Variants in CHD5 observed in about 807,000 individuals in gnomAD.
CHD5 encodes the protein chromodomain helicase DNA binding protein 5.
CHD5 carries 69 observed loss-of-function variants against 230.3 expected under a neutral mutation model. The ratio of observed to expected loss-of-function variants is 0.30; its 90% CI spans 0.25 to 0.37. CHD5 has a LOEUF of 0.37. CHD5 is among the 10% of genes least tolerant of loss of function. The probability of loss-of-function intolerance (pLI) is 1.00; values close to 1 mark genes in which losing one functional copy is unlikely to be tolerated. For synonymous variants in CHD5, 1,064 were observed against 1,065.9 expected, an observed-to-expected ratio of 1.00 and a Z score of 0.03; for missense variants, 1,827 against 2,622.8, an observed-to-expected ratio of 0.70 and a Z score of 6.63.
chr1:6,111,757 C>T lies in CHD5; in HGVS notation c.5249+18G>A, dbSNP rs375657455. 3.5e-4 allele frequency: 557 copies of T among 1,607,210 alleles called. 1 individual carries two copies. The African/African-American group carries it at 5.3e-3, about 15-fold the overall frequency. On this transcript the variant is annotated intron_variant, in intron 36 of 41. Transcript: ENST00000262450. ...GGAACGGGCAAGTCCCTGCCCAGCC[C>T]GGCCTGGCCAAGGATACGTCACGAT...
chr1:6,102,863 T>C lies in CHD5; in HGVS notation c.*2611A>G, dbSNP rs983986914. The C allele has an allele frequency of 6.6e-6, 1 of 152,352 alleles. No individual in the cohort carries two copies. The highest frequency in any genetic ancestry group is 2.4e-5 in the African/African-American group (1 of 41,428). 9.4% of individuals were successfully genotyped at this position (152,352 alleles called of 1,614,324 possible). On this transcript the variant is annotated 3_prime_UTR_variant, in exon 42 of 42. Coordinates refer to ENST00000262450, the MANE Select transcript of CHD5 (RefSeq NM_015557.3). ...CGTGTATGAGAGGGCCCTGCAGACGTGCTCACTCCACCCCGAGTCACCTGA... is the reference window on the plus strand; with the variant it reads ...CGTGTATGAGAGGGCCCTGCAGACGCGCTCACTCCACCCCGAGTCACCTGA...
At chr1:6,132,828 T>G (rs1413802167) in intron 20 of CHD5, among the ~76,000 whole-genome samples, 1 of 152,174 alleles carries the variant, frequency 6.6e-6, no homozygotes, top group African/African-American at 2.4e-5. Flanking sequence ...TCCATCATTT[T>G]TGAGGATCCT....
chr1:6,113,958 C>T (rs569861663), intron 33 of CHD5, among the ~76,000 whole-genome samples: 4 of 152,318 alleles, frequency 2.6e-5, no homozygotes, highest in East Asian at 1.9e-4. Context: ...CAGATAAAAA[C>T]CACAATCCAG....
At chr1:6,136,664 C>G (rs1666750902) in intron 16 of CHD5, 26 bp from the exon 17 acceptor site, 2 of 1,613,100 alleles carry the variant, frequency 1.2e-6, no homozygotes, top group African/African-American at 2.7e-5. Context: ...TGGGGCCTGT[C>G]AGGGGGCTCT....
chr1:6,135,508 G>A, intron 17 of CHD5, 105 bp from the exon 18 acceptor site: 1 of 1,012,400 alleles, frequency 9.9e-7, no homozygotes, highest in Non-Finnish European at 1.4e-6. Flanking sequence ...GTGAACCAGG[G>A]AGCCCTGGCA....
At chr1:6,113,486 A>C in intron 33 of CHD5, 1 of 239,824 alleles carries the variant, frequency 4.2e-6, no homozygotes, top group South Asian at 4.9e-5. Context: ...GGGTGCCAGG[A>C]AGGAAGGGGA....
At chr1:6,140,320 A>C (rs1287779720) in intron 15 of CHD5, among the ~76,000 whole-genome samples, 1 of 151,990 alleles carries the variant, frequency 6.6e-6, no homozygotes, top group Non-Finnish European at 1.5e-5. Flanking sequence ...GAATCGCTTG[A>C]ACCTGGGAGG....
At chr1:6,148,710 C>T (rs1301360533) in intron 9 of CHD5, 144 bp downstream of exon 9, 8 of 588,130 alleles carry the variant, frequency 1.4e-5, no homozygotes, top group Non-Finnish European at 1.6e-5. Context: ...GCAGCGCGGG[C>T]GAAGCTTTGC....
intron 1 of CHD5, among the ~76,000 whole-genome samples, chr1:6,179,229 G>A (rs1005835593): frequency 3.9e-5 from 6 of 152,230 alleles, no homozygotes; most frequent in African/African-American, 1.2e-4. Flanking sequence ...GGCTGGGAAC[G>A]GCCACCACCC....
At chr1:6,127,054 G>A (rs1666569890) in intron 25 of CHD5, 2 of 406,416 alleles carry the variant, frequency 4.9e-6, no homozygotes, top group South Asian at 5.1e-5. Flanking sequence ...GGAGGCTCCT[G>A]GTTTCAAAGG....
At chr1:6,133,712 C>A (rs1457139693) in intron 20 of CHD5, among the ~76,000 whole-genome samples, 1 of 152,264 alleles carries the variant, frequency 6.6e-6, no homozygotes, top group Non-Finnish European at 1.5e-5. Context: ...GAAATGAACA[C>A]ACCTGAGCCG....
chr1:6,117,060 G>A (rs982479265), intron 33 of CHD5, among the ~76,000 whole-genome samples: 5 of 152,080 alleles, frequency 3.3e-5, no homozygotes, highest in African/African-American at 1.2e-4. Flanking sequence ...AGTACAGAAT[G>A]AAATTGACTA....
At position 6,143,950 on chromosome 1, in the gene CHD5, G is replaced by A. The variant is rs746879787; in HGVS notation, c.1935-19C>T. 21 of 1,614,032 alleles carry A rather than the reference G, an allele frequency of 1.3e-5. No individual in the cohort carries two copies. The East Asian group carries it at 4.0e-4, about 31-fold the overall frequency. ...CAGCTCCCTGGGAAACGGCATTGGA[G>A]GCAGGTGAGCAAGGCTCAGCCCAGG... On this transcript the variant is annotated intron_variant, in intron 12 of 41. Transcript: ENST00000262450.
At chr1:6,110,278 C>A in intron 37 of CHD5, 116 bp downstream of exon 37, 1 of 1,224,508 alleles carries the variant, frequency 8.2e-7, no homozygotes, top group Non-Finnish European at 1.2e-6. Context: ...TTCGTGGCAG[C>A]GTGACCCAGG....
rs532563512 is a variant in CHD5 at position 6,123,389 on chromosome 1, G to A, written c.4699+559C>T. ...TATTCCGGCCTTAGGCAGTGGCGAT[G>A]GTTGTACACCCTACGAATATACTAG... On this transcript the variant is annotated intron_variant, in intron 31 of 41. Coordinates refer to ENST00000262450, the MANE Select transcript of CHD5 (RefSeq NM_015557.3). 1.9e-4 allele frequency among the ~76,000 whole-genome samples: 29 copies of A among 152,204 alleles called. No individual in the cohort carries two copies. The Middle Eastern group carries it at 0.01, about 54-fold the overall frequency.
At chr1:6,140,549 GGT>G in intron 15 of CHD5, among the ~76,000 whole-genome samples, 1 of 152,262 alleles carries the variant, frequency 6.6e-6, no homozygotes, top group South Asian at 2.1e-4. Flanking sequence ...GACTCTGTGG[GGT>G]GTGTCTGTTA....
In CHD5 at chr1:6,177,887, G is replaced by A. The variant is rs541298338; in HGVS notation, c.79+2058C>T. On this transcript the variant is annotated intron_variant, in intron 1 of 41. Coordinates refer to ENST00000262450, the MANE Select transcript of CHD5 (RefSeq NM_015557.3). ...GGGTACAGGAGTGGACCCGGGACAA[G>A]GGTTTCAGAGGCGACTGGAGCCATG... Among the ~76,000 whole-genome samples the A allele has an allele frequency of 2.6e-5, 4 of 152,326 alleles. No homozygotes were observed. The East Asian group carries it at 7.7e-4, about 29-fold the overall frequency.
At position 6,121,530 on chromosome 1, in the gene CHD5, G is replaced by C. The variant is rs375435029; in HGVS notation, c.4743C>G (p.Pro1581=). The change falls in exon 32 of 42, where the codon CCC becomes CCG. Residue 1581 remains proline, a synonymous_variant. Coordinates refer to ENST00000262450, the MANE Select transcript of CHD5 (RefSeq NM_015557.3). The surrounding 1 kb of genome is among the most constrained non-coding windows in gnomAD (Gnocchi z 4.5). ...GGGGCTGCCTTGGCTTCTGTGCCCC[G>C]GGGTCTTTCTCATCCATGTAGCCCA... ...AQLGYMDEKD[P]GAQKPRQPLE... The C allele has an allele frequency of 3.1e-6, 5 of 1,612,944 alleles. No homozygotes were observed. Among genetic ancestry groups the C allele is most frequent in the East Asian group, 4.5e-5 (2 of 44,864 alleles).
Position 6,109,790 on chromosome 1 carries a change from C to T in CHD5, c.5578+5G>A, listed in dbSNP as rs369002139. On this transcript the variant is annotated splice_donor_5th_base_variant and intron_variant, in intron 38 of 41. Coordinates refer to ENST00000262450, the MANE Select transcript of CHD5 (RefSeq NM_015557.3). The stretch of plus-strand genomic sequence containing the variant: ...GCTGCACCGTGGGGGGCAGGACTTG[C>T]TCACCCTTGTGCAGGACGGCATTGG... 2.2e-5 allele frequency: 35 copies of T among 1,610,562 alleles called. No homozygotes were observed. The African/African-American group carries it at 4.3e-4, about 20-fold the overall frequency.
Sources: gnomAD v4.1 joint callset for allele counts (sites outside exome capture counted in the v4.1 genomes callset) on GRCh38, gnomAD v4.1.1 for gene constraint, Gnocchi (gnomAD v3.1) non-coding constraint, MANE v1.5 for transcripts, NCBI Gene and HGNC (gene_info 2026-07-23, HGNC 2026-07-21) for gene names.